FBXO24: variants seen among roughly 807,000 people sequenced by gnomAD.
FBXO24 encodes the protein F-box only protein 24.
A neutral mutation model predicts 63.5 loss-of-function variants in FBXO24; 30 were observed. The observed-to-expected ratio is 0.47, with a 90% CI of 0.35 to 0.64. The LOEUF is 0.64. FBXO24 is among the 30% of genes least tolerant of loss of function. The pLI is 0.00. For missense variants in FBXO24, 624 were observed against 763.4 expected (o/e 0.82, Z 2.15); for synonymous variants, 300 against 305.0 (o/e 0.98, Z 0.17).
intron 1 of FBXO24, 189 bp from the exon 2 acceptor site, chr7:100,589,788 C>A (rs758625502): frequency 2.0e-6 from 3 of 1,528,338 alleles, no homozygotes; most frequent in African/African-American, 2.8e-5. Context: ...GGAGGAGGGG[C>A]TCCGGGTGAG....
At position 100,594,601 on chromosome 7, in the gene FBXO24, A is replaced by G; in HGVS notation, c.952+60A>G. ...CCTTGGTTAGACCCTCTAAACATCAACACCCTTCACCCTTACTCCAGCTGC... is the reference window on the plus strand; with the variant it reads ...CCTTGGTTAGACCCTCTAAACATCAGCACCCTTCACCCTTACTCCAGCTGC... On this transcript the variant is annotated intron_variant, in intron 6 of 9. Transcript: ENST00000241071. This position sits in a 1 kb window ranked among gnomAD's most constrained non-coding sequence, Gnocchi z 4.2. 1 of 1,444,156 alleles carries G rather than the reference A, an allele frequency of 6.9e-7. No individual in the cohort carries two copies. The highest frequency in any genetic ancestry group is 1.4e-5 in the South Asian group (1 of 69,614). 89.5% of individuals were successfully genotyped at this position (1,444,156 alleles called of 1,614,324 possible).
chr7:100,587,932 C>T (rs780940365), intron 1 of FBXO24, among the ~76,000 whole-genome samples: 2 of 148,282 alleles, frequency 1.3e-5, no homozygotes, highest in African/African-American at 2.5e-5. Context: ...GAGACAGAGT[C>T]GCTCTGTTGC....
In FBXO24 at chr7:100,586,588, T is replaced by C. The variant is rs757442821; in HGVS notation, c.-38T>C. 5 of 1,612,786 alleles carry C rather than the reference T, an allele frequency of 3.1e-6. No individual in the cohort carries two copies. The highest frequency in any genetic ancestry group is 3.3e-5 in the Admixed American group (2 of 60,014). Reference sequence around the variant, plus strand: ...AGAGCCTCCGAAGGGAATCTGGACCTGCCTCTTCTCTGAGGGACGGCTCTA... The same window carrying C: ...AGAGCCTCCGAAGGGAATCTGGACCCGCCTCTTCTCTGAGGGACGGCTCTA... On this transcript the variant is annotated 5_prime_UTR_variant, in exon 1 of 10. Transcript: ENST00000241071.
chr7:100,586,772 G>A (rs769582845), intron 1 of FBXO24, 108 bp downstream of exon 1: 3 of 1,257,536 alleles, frequency 2.4e-6, no homozygotes, highest in South Asian at 2.4e-5. Flanking sequence ...CGTGTTAGGG[G>A]GCTAGCCGGC....
At chr7:100,589,146 G>T (rs1436306573) in intron 1 of FBXO24, among the ~76,000 whole-genome samples, 1 of 152,110 alleles carries the variant, frequency 6.6e-6, no homozygotes, top group Non-Finnish European at 1.5e-5. Context: ...TCTCCTTTTG[G>T]ATGTGTTTTT....
Position 100,600,105 on chromosome 7 carries a change from G to GTTC in FBXO24, c.1282_1284dup (p.Phe428dup). 1 of 1,609,162 alleles carries GTTC rather than the reference G, an allele frequency of 6.2e-7. No homozygotes were observed. On this transcript the variant is annotated inframe_insertion, in exon 9 of 10. Coordinates refer to ENST00000241071, the MANE Select transcript of FBXO24 (RefSeq NM_033506.3). This position sits in a 1 kb window ranked among gnomAD's most constrained non-coding sequence, Gnocchi z 6.3. ...CCCTGGTGCTGAGCCAGAGCTCAGA[G>GTTC]TTCAGCAAGGAGCTGCTGGGCTGCG...
chr7:100,599,984 C>G (rs187299835), intron 8 of FBXO24, 47 bp from the exon 9 acceptor site: 13 of 1,519,256 alleles, frequency 8.6e-6, no homozygotes, highest in Admixed American at 1.9e-5. Context: ...CCAGCCCCCC[C>G]GTCCCTTGGT....
chr7:100,593,086 G>T (rs562576426), intron 5 of FBXO24, 69 bp downstream of exon 5: 1 of 1,359,764 alleles, frequency 7.4e-7, no homozygotes, highest in Admixed American at 1.9e-5. Context: ...TGCAGAGGAG[G>T]GGGAGGGAGG....
intron 3 of FBXO24, 21 bp from the exon 4 acceptor site, chr7:100,591,646 C>T (rs1562816859): frequency 6.2e-7 from 1 of 1,610,372 alleles, no homozygotes; most frequent in East Asian, 2.2e-5. Flanking sequence ...CTTGAACCTT[C>T]CATCTCCTTC....
intron 1 of FBXO24, chr7:100,589,545 T>G: frequency 1.4e-6 from 2 of 1,397,312 alleles, no homozygotes; most frequent in Non-Finnish European, 1.9e-6. Flanking sequence ...GGCCAAACAG[T>G]GAGGTCACAG....
At chr7:100,588,488 A>T (rs61318457) in intron 1 of FBXO24, among the ~76,000 whole-genome samples, 12,374 of 152,114 alleles carry the variant, frequency 0.081, 557 homozygotes, top group African/African-American at 0.12. Context: ...TACATAAGGG[A>T]ATTTGGGTGG....
chr7:100,591,520 C>T, intron 3 of FBXO24, 147 bp from the exon 4 acceptor site: 1 of 669,576 alleles, frequency 1.5e-6, no homozygotes, highest in Non-Finnish European at 2.6e-6. Flanking sequence ...TTTTCCACAT[C>T]TCCTTCATAA....
chr7:100,595,061 G>A, intron 6 of FBXO24, 41 bp from the exon 7 acceptor site: 1 of 1,609,776 alleles, frequency 6.2e-7, no homozygotes, highest in Non-Finnish European at 8.5e-7. Flanking sequence ...CTAGGAAATG[G>A]GTGCCCAAAG....
chr7:100,595,208 C>G lies in FBXO24; in HGVS notation c.1059C>G (p.Leu353=), dbSNP rs1802247541. 7 of 1,614,142 alleles carry G rather than the reference C, an allele frequency of 4.3e-6. No individual in the cohort carries two copies. The highest frequency in any genetic ancestry group is 5.9e-6 in the Non-Finnish European group (7 of 1,180,008). ...TGGACCAGCAGATGCCGCTTGCTCT[C>G]TCACTGCCTGCCAAGGTAGGCTCCT... ...DPLDQQMPLA[L]SLPAKILFCA... is the part of the protein sequence containing the mutation. The change falls in exon 7 of 10, where the codon CTC becomes CTG. Residue 353 remains leucine, a synonymous_variant. Transcript: ENST00000241071.
At position 100,591,667 on chromosome 7, in the gene FBXO24, A is replaced by G; in HGVS notation, c.323A>G (p.Tyr108Cys). ...RPWKRAAILNYTKGLYFQAFG... is the reference protein window; with the variant it reads ...RPWKRAAILNCTKGLYFQAFG... ...CCTTCCATCTCCTTCCTTCCTCCAG[A>G]CACGAAGGGCCTGTATTTCCAGGCA... The change falls in exon 4 of 10, where the codon TAC (tyrosine) becomes TGC (cysteine). Residue 108 changes from tyrosine (Y) to cysteine (C), a missense_variant and splice_region_variant. Tyr to Cys is a radical substitution (Grantham distance 194, BLOSUM62 -2). This residue lies in a region of FBXO24 where 391 missense variants were observed against 469.1 expected (regional missense o/e 0.83). Transcript: ENST00000241071. The G allele has an allele frequency of 6.2e-7, 1 of 1,613,792 alleles. No homozygotes were observed. Among genetic ancestry groups the G allele is most frequent in the South Asian group, 1.1e-5 (1 of 91,078 alleles).
In FBXO24 at chr7:100,594,278, C is replaced by A; in HGVS notation, c.794-105C>A. 7.7e-7 allele frequency: 1 copy of A among 1,300,216 alleles called. No homozygotes were observed. Among genetic ancestry groups the A allele is most frequent in the Non-Finnish European group, 1.1e-6 (1 of 942,078 alleles). 80.5% of individuals were successfully genotyped at this position (1,300,216 alleles called of 1,614,324 possible). On this transcript the variant is annotated intron_variant, in intron 5 of 9. Transcript: ENST00000241071. This position sits in a 1 kb window ranked among gnomAD's most constrained non-coding sequence, Gnocchi z 4.2. ...CCCTTATTTCTTTCTCAGCCCCACT[C>A]TAGGGCAGTAAATGTGTCACCCATA...
chr7:100,596,019 T>G (rs1185063442), intron 8 of FBXO24, among the ~76,000 whole-genome samples: 1 of 152,066 alleles, frequency 6.6e-6, no homozygotes. Context: ...GCCTCACGCC[T>G]GTAATCCCGA....
chr7:100,592,203 G>C, intron 4 of FBXO24: 3 of 357,352 alleles, frequency 8.4e-6, no homozygotes, highest in South Asian at 7.5e-5. Flanking sequence ...AGGCTGCAGT[G>C]AGCTGAGATC....
Position 100,586,333 on chromosome 7 carries a change from G to A in FBXO24, c.-293G>A, listed in dbSNP as rs538675257. On this transcript the variant is annotated 5_prime_UTR_variant, in exon 1 of 10. Transcript: ENST00000241071. The stretch of plus-strand genomic sequence containing the variant: ...GAAGGGAGGGGAACAAGGATAGAGC[G>A]CTCGCCAACGGCCGACGCTCCAGGC... 1.0e-5 allele frequency: 7 copies of A among 668,566 alleles called. No homozygotes were observed. In the South Asian group the frequency reaches 1.2e-4, roughly 11 times the overall value. The allele number at this position is 668,566 out of a possible 1,614,324, so 41.4% of individuals were successfully genotyped here. A position where few individuals can be genotyped will look rare whatever the true frequency, so the allele number is the denominator to read the frequency against.
Sources: gnomAD v4.1 joint callset for allele counts (sites outside exome capture counted in the v4.1 genomes callset) on GRCh38, gnomAD v4.1.1 for gene constraint, gnomAD v4.1.1 regional missense constraint, Gnocchi (gnomAD v3.1) non-coding constraint, MANE v1.5 for transcripts, NCBI Gene and HGNC (gene_info 2026-07-23, HGNC 2026-07-21) for gene names.